ATP9A: variants seen among roughly 807,000 people sequenced by gnomAD.
The protein encoded by ATP9A is probable phospholipid-transporting ATPase IIA.
Under a neutral mutation model 144.1 loss-of-function variants are expected in ATP9A, and 52 were observed. The observed-to-expected ratio is 0.36, with a 90% confidence interval of 0.29 to 0.45. ATP9A has a LOEUF of 0.45. Ranked by LOEUF, ATP9A falls within the 20% of genes least tolerant of loss-of-function variation. The pLI is 1.00. For synonymous variants in ATP9A, 582 were observed against 557.4 expected (o/e 1.04, Z -0.62); for missense variants, 947 against 1,392.7 (o/e 0.68, Z 5.09).
At chr20:51,741,938 G>A (rs1047207330) in intron 1 of ATP9A, among the ~76,000 whole-genome samples, 7 of 152,134 alleles carry the variant, frequency 4.6e-5, no homozygotes, top group Admixed American at 1.3e-4. Context: ...AGCCCAAAAC[G>A]CCACTTGTGC....
intron 1 of ATP9A, among the ~76,000 whole-genome samples, chr20:51,750,453 G>A (rs755214137): frequency 5.3e-5 from 8 of 152,146 alleles, no homozygotes; most frequent in Non-Finnish European, 1.2e-4. Flanking sequence ...CACAGAGCCT[G>A]GCTGGCAACC....
chr20:51,601,204 G>T lies in ATP9A; in HGVS notation c.*7C>A, dbSNP rs200367556. On this transcript the variant is annotated 3_prime_UTR_variant, in exon 28 of 28. Coordinates refer to ENST00000338821, the MANE Select transcript of ATP9A (RefSeq NM_006045.3). ...AAGACCAGGGCCCCCTCCAGCGAAC[G>T]CACGGCCTATGATGTGAGCTTTGAG... is the stretch of plus-strand genomic sequence containing the variant. 25 of 1,597,054 alleles carry T rather than the reference G, an allele frequency of 1.6e-5. 1 individual carries two copies. The Admixed American group carries it at 4.0e-4, about 26-fold the overall frequency.
At chr20:51,657,584 G>A (rs1023531789) in intron 13 of ATP9A, among the ~76,000 whole-genome samples, 3 of 152,164 alleles carry the variant, frequency 2.0e-5, no homozygotes, top group Non-Finnish European at 4.4e-5. Flanking sequence ...CACCAGATGC[G>A]CTGGACGCCA....
intron 15 of ATP9A, among the ~76,000 whole-genome samples, chr20:51,637,724 T>C (rs2077298711): frequency 6.6e-6 from 1 of 150,658 alleles, no homozygotes; most frequent in African/African-American, 2.4e-5. Context: ...TTTCCAAAGG[T>C]TTTTGGGGAA....
chr20:51,660,866 A>G (rs946851151), intron 13 of ATP9A, among the ~76,000 whole-genome samples: 21 of 152,216 alleles, frequency 1.4e-4, no homozygotes, highest in African/African-American at 4.8e-4. Context: ...CTTAAAAAAT[A>G]CCAGGGGAAA....
intron 13 of ATP9A, among the ~76,000 whole-genome samples, chr20:51,658,888 C>CGGGGGGGGG (rs11477336): frequency 3.3e-4 from 18 of 54,800 alleles, no homozygotes; most frequent in African/African-American, 1.0e-3. Context: ...AGACCACTGG[C>CGGGGGGGGG]GGGGGGGGGG....
intron 3 of ATP9A, among the ~76,000 whole-genome samples, chr20:51,723,292 G>A (rs1402504969): frequency 1.3e-5 from 2 of 152,088 alleles, no homozygotes; most frequent in Non-Finnish European, 2.9e-5. Context: ...ATAACAAATA[G>A]GGTGCAGTGT....
At chr20:51,672,346 C>T (rs567297954) in intron 11 of ATP9A, among the ~76,000 whole-genome samples, 71 of 152,236 alleles carry the variant, frequency 4.7e-4, no homozygotes, top group African/African-American at 1.3e-3. Flanking sequence ...AATTCATCAT[C>T]CTATAAACTA....
chr20:51,629,386 T>C (rs189600050), intron 15 of ATP9A, among the ~76,000 whole-genome samples: 15 of 152,334 alleles, frequency 9.8e-5, no homozygotes, highest in African/African-American at 3.1e-4. Context: ...GATTTACACT[T>C]GGGACTGCAG....
chr20:51,750,050 G>A (rs2077824687), intron 1 of ATP9A, among the ~76,000 whole-genome samples: 1 of 152,182 alleles, frequency 6.6e-6, no homozygotes, highest in African/African-American at 2.4e-5. Context: ...AGCTACTTGG[G>A]AGGCTGAGGC....
Position 51,599,540 on chromosome 20 carries a change from A to G in ATP9A, c.*1671T>C, listed in dbSNP as rs369814615. ...ATAGAGAAAAGTACTGCAAAACTGC[A>G]GAATCATAAGACAAAATAGATGTGG... is the stretch of plus-strand genomic sequence containing the variant. On this transcript the variant is annotated 3_prime_UTR_variant, in exon 28 of 28. Transcript: ENST00000338821. The G allele has an allele frequency of 1.6e-4, 24 of 152,264 alleles. 1 individual carries two copies. In the East Asian group the frequency reaches 2.1e-3, roughly 13 times the overall value. 9.4% of individuals were successfully genotyped at this position (152,264 alleles called of 1,614,324 possible). A position where few individuals can be genotyped will look rare whatever the true frequency, so the allele number is the denominator to read the frequency against.
chr20:51,684,016 T>C (rs951108400), intron 9 of ATP9A, among the ~76,000 whole-genome samples: 1 of 152,004 alleles, frequency 6.6e-6, no homozygotes, highest in African/African-American at 2.4e-5. Flanking sequence ...AAACCCTGTC[T>C]CTACAAAAAA....
intron 2 of ATP9A, among the ~76,000 whole-genome samples, chr20:51,729,338 CACCCCACCTCCA>C (rs2077729628): frequency 6.6e-6 from 1 of 151,894 alleles, no homozygotes; most frequent in Admixed American, 6.6e-5. Context: ...CCCTCCACCC[CACCCCACCTCCA>C]ACCCCGCCAC....
chr20:51,717,539 G>C (rs2077667611), intron 3 of ATP9A, among the ~76,000 whole-genome samples: 1 of 152,132 alleles, frequency 6.6e-6, no homozygotes, highest in Admixed American at 6.6e-5. Context: ...CCAAAACCTA[G>C]AAACAAGCTA....
intron 6 of ATP9A, 69 bp downstream of exon 6, chr20:51,696,024 A>G (rs143453860): frequency 1.4e-6 from 2 of 1,396,894 alleles, no homozygotes; most frequent in Non-Finnish European, 2.0e-6. Context: ...GACATTTTCA[A>G]ATGATTATTT....
At position 51,766,893 on chromosome 20, in the gene ATP9A, G is replaced by A. The variant is rs533791818; in HGVS notation, c.68+1409C>T. On this transcript the variant is annotated intron_variant, in intron 1 of 27. Coordinates refer to ENST00000338821, the MANE Select transcript of ATP9A (RefSeq NM_006045.3). ...AACGCAAAACAGAGAAGGGAGGAGT[G>A]AGGGAACTATCTTTGGGTCAGACAA... Among the ~76,000 whole-genome samples the A allele has an allele frequency of 1.6e-4, 24 of 152,042 alleles. No individual in the cohort carries two copies. The South Asian group carries it at 5.0e-3, about 32-fold the overall frequency.
At chr20:51,613,326 TA>T (rs1384391407) in intron 23 of ATP9A, among the ~76,000 whole-genome samples, 4 of 152,114 alleles carry the variant, frequency 2.6e-5, no homozygotes, top group Non-Finnish European at 5.9e-5. Context: ...TACCCACAAT[TA>T]AAATAACTCA....
intron 7 of ATP9A, among the ~76,000 whole-genome samples, chr20:51,691,304 T>C (rs889265505): frequency 4.6e-5 from 7 of 152,070 alleles, no homozygotes; most frequent in African/African-American, 1.7e-4. Flanking sequence ...CTGTCTCTAC[T>C]AAAAATACAA....
At chr20:51,703,304 G>T (rs928360688) in intron 4 of ATP9A, among the ~76,000 whole-genome samples, 1 of 152,086 alleles carries the variant, frequency 6.6e-6, no homozygotes, top group Non-Finnish European at 1.5e-5. Flanking sequence ...AAGAACCGAG[G>T]CCACAGAACT....
Sources: allele counts gnomAD v4.1 joint callset (sites outside exome capture counted in the v4.1 genomes callset), GRCh38; gene constraint gnomAD v4.1.1; transcripts MANE v1.5; gene names NCBI Gene and HGNC (gene_info 2026-07-23, HGNC 2026-07-21).